The following ARSB variants were observed in gnomAD, a reference collection of about 807,000 sequenced individuals.
The protein encoded by ARSB is N-acetylgalactosamine-4-sulfatase.
A neutral mutation model predicts 50.9 loss-of-function variants in ARSB; 41 were observed. The ratio of observed to expected loss-of-function variants is 0.81; its 90% CI spans 0.63 to 1.04. The LOEUF (loss-of-function observed/expected upper bound fraction) is 1.04. Ranked by LOEUF, ARSB falls within the 50% of genes least tolerant of loss-of-function variation. ARSB has a pLI of 0.00. For synonymous variants in ARSB, 269 were observed against 284.8 expected (o/e 0.94, Z 0.56); for missense variants, 672 against 693.3 (o/e 0.97, Z 0.35).
At chr5:78,781,179 TCA>T (rs1748913634) in intron 7 of ARSB, among the ~76,000 whole-genome samples, 1 of 152,212 alleles carries the variant, frequency 6.6e-6, no homozygotes, top group South Asian at 2.1e-4. Flanking sequence ...GGTGTAGCTC[TCA>T]GAGACTCTCT....
chr5:78,800,433 G>T (rs182965964), intron 6 of ARSB, among the ~76,000 whole-genome samples: 35 of 151,788 alleles, frequency 2.3e-4, no homozygotes, highest in Admixed American at 2.0e-3. Context: ...CCAGACCTCC[G>T]TTTGGGGCTG....
At chr5:78,899,671 T>C (rs1219040780) in intron 4 of ARSB, among the ~76,000 whole-genome samples, 3 of 152,242 alleles carry the variant, frequency 2.0e-5, no homozygotes, top group Non-Finnish European at 4.4e-5. Context: ...TCTGTTTGAT[T>C]TTTTAAAATT....
chr5:78,856,244 G>T (rs535584812), intron 5 of ARSB, among the ~76,000 whole-genome samples: 1 of 152,124 alleles, frequency 6.6e-6, no homozygotes, highest in African/African-American at 2.4e-5. Context: ...ACTGCTCTCT[G>T]GCCTTGTTAT....
chr5:78,923,607 G>A (rs899401167), intron 4 of ARSB, among the ~76,000 whole-genome samples: 1 of 152,178 alleles, frequency 6.6e-6, no homozygotes, highest in African/African-American at 2.4e-5. Context: ...AGCTCACGTC[G>A]TCATCTGAAA....
intron 6 of ARSB, among the ~76,000 whole-genome samples, chr5:78,828,291 A>T (rs974899644): frequency 6.6e-6 from 1 of 152,054 alleles, no homozygotes; most frequent in Non-Finnish European, 1.5e-5. Flanking sequence ...CCCCCCATCT[A>T]TTATTTGTAC....
chr5:78,942,517 T>C (rs1215072802), intron 4 of ARSB, among the ~76,000 whole-genome samples: 1 of 152,242 alleles, frequency 6.6e-6, no homozygotes, highest in Non-Finnish European at 1.5e-5. Flanking sequence ...AACATCTTTA[T>C]TTCTGCCTTC....
In ARSB at chr5:78,780,842, A is replaced by G. The variant is rs137868595; in HGVS notation, c.1337-180T>C. On this transcript the variant is annotated intron_variant, in intron 7 of 7. Coordinates refer to ENST00000264914, the MANE Select transcript of ARSB (RefSeq NM_000046.5). The stretch of plus-strand genomic sequence containing the variant: ...TTGACTTCTGGTGCTTTAACTAGAC[A>G]TGTCTCACTGCTTCACAAGCAAGGA... Among the ~76,000 whole-genome samples the G allele has an allele frequency of 1.9e-3, 285 of 152,150 alleles. 1 individual carries two copies. The highest frequency in any genetic ancestry group is 3.0e-3 in the Non-Finnish European group (204 of 67,994).
At chr5:78,944,646 C>T (rs1282109048) in intron 4 of ARSB, among the ~76,000 whole-genome samples, 2 of 152,186 alleles carry the variant, frequency 1.3e-5, no homozygotes, top group Non-Finnish European at 1.5e-5. Flanking sequence ...GAAGTTTTGT[C>T]TCAGAGGGTT....
intron 4 of ARSB, among the ~76,000 whole-genome samples, chr5:78,910,313 G>A (rs1222784370): frequency 2.6e-5 from 4 of 152,182 alleles, no homozygotes; most frequent in Admixed American, 1.3e-4. Context: ...TCAGTCTCTC[G>A]TCCCACCCGA....
chr5:78,894,511 T>C (rs1402074006), intron 4 of ARSB, among the ~76,000 whole-genome samples: 1 of 152,208 alleles, frequency 6.6e-6, no homozygotes, highest in African/African-American at 2.4e-5. Context: ...CAGAGTTCTC[T>C]GAAGTTTTGC....
intron 4 of ARSB, among the ~76,000 whole-genome samples, chr5:78,916,437 C>G (rs985916688): frequency 1.3e-5 from 2 of 152,204 alleles, no homozygotes; most frequent in African/African-American, 4.8e-5. Context: ...AAACACTAAA[C>G]TTGCCTGTCT....
chr5:78,879,058 T>G (rs1747622113), intron 5 of ARSB, among the ~76,000 whole-genome samples: 1 of 152,128 alleles, frequency 6.6e-6, no homozygotes, highest in Admixed American at 6.5e-5. Flanking sequence ...TTCGCTATGT[T>G]GCCCAGGCTG....
intron 5 of ARSB, among the ~76,000 whole-genome samples, chr5:78,852,254 G>T (rs1469325997): frequency 2.0e-5 from 3 of 152,134 alleles, no homozygotes; most frequent in Non-Finnish European, 2.9e-5. Flanking sequence ...CAGGCCTGGT[G>T]GTGACAAAAT....
rs1748939654 is a variant in ARSB, at chr5:78,781,954, G to A, written c.1234C>T (p.Pro412Ser). 3.1e-6 allele frequency: 5 copies of A among 1,614,118 alleles called. No homozygotes were observed. Among genetic ancestry groups the A allele is most frequent in the Non-Finnish European group, 4.2e-6 (5 of 1,179,966 alleles). Reference protein sequence around the residue: ...SSPCPRNSMAPAKDDSSLPEY... With the variant: ...SSPCPRNSMASAKDDSSLPEY... ...GGAAGAGAAGAGTCATCCTTTGCTG[G>A]AGCCATGCTGTTCCTGGGACCTGGG... is the stretch of plus-strand genomic sequence containing the variant. The change falls in exon 7 of 8, where the codon CCA (proline) becomes TCA (serine). Residue 412 changes from proline to serine, a missense_variant. By Grantham distance (74) the Pro-to-Ser change is moderately conservative (BLOSUM62 -1). Transcript: ENST00000264914.
intron 5 of ARSB, among the ~76,000 whole-genome samples, chr5:78,869,986 C>G (rs368431916): frequency 1.4e-5 from 2 of 144,652 alleles, no homozygotes; most frequent in African/African-American, 5.1e-5. Flanking sequence ...GGGGATATCA[C>G]CACCGATCCC....
chr5:78,792,186 C>T (rs1742973277), intron 6 of ARSB, among the ~76,000 whole-genome samples: 2 of 151,990 alleles, frequency 1.3e-5, no homozygotes, highest in African/African-American at 4.8e-5. Flanking sequence ...CGAGACCAGC[C>T]GGGCCACTGT....
At chr5:78,910,061 C>T (rs1749238221) in intron 4 of ARSB, among the ~76,000 whole-genome samples, 1 of 152,236 alleles carries the variant, frequency 6.6e-6, no homozygotes, top group Non-Finnish European at 1.5e-5. Context: ...GGCATAGTAC[C>T]TTCCCTTGAA....
At chr5:78,847,533 G>T (rs1460792073) in intron 5 of ARSB, among the ~76,000 whole-genome samples, 1 of 152,100 alleles carries the variant, frequency 6.6e-6, no homozygotes, top group Non-Finnish European at 1.5e-5. Flanking sequence ...TTCTTTTCTT[G>T]TTGTATCTCT....
chr5:78,980,725 A>AGTGTGTGTGT (rs1315709564), intron 1 of ARSB, among the ~76,000 whole-genome samples: 2,234 of 91,958 alleles, frequency 0.024, 62 homozygotes, highest in African/African-American at 0.062. Flanking sequence ...TGTCTAAGGA[A>AGTGTGTGTGT]GTGTGTGTAT....
Sources: gnomAD v4.1 joint callset for allele counts (sites outside exome capture counted in the v4.1 genomes callset) on GRCh38, gnomAD v4.1.1 for gene constraint, MANE v1.5 for transcripts, NCBI Gene and HGNC (gene_info 2026-07-23, HGNC 2026-07-21) for gene names.